UNK: variants seen among roughly 807,000 people sequenced by gnomAD.
The protein encoded by UNK is unk zinc finger.
A neutral mutation model predicts 97.6 loss-of-function variants in UNK; 32 were observed. That is an observed-to-expected ratio of 0.33 (90% CI 0.25 to 0.44). The LOEUF (loss-of-function observed/expected upper bound fraction) is 0.44, where lower values mean the gene tolerates loss of function less well. Ranked by LOEUF, UNK falls within the 20% of genes least tolerant of loss-of-function variation. The pLI, the probability that UNK is intolerant of heterozygous loss-of-function variation, is 1.00. For synonymous variants in UNK, 441 were observed against 461.2 expected (o/e 0.96, Z 0.56); for missense variants, 771 against 1,098.4 (o/e 0.70, Z 4.21).
chr17:75,789,056 T>C (rs1357837837), intron 1 of UNK, among the ~76,000 whole-genome samples: 1 of 152,240 alleles, frequency 6.6e-6, no homozygotes, highest in African/African-American at 2.4e-5. Context: ...GAGCCCTCCT[T>C]TTCCTAAACC....
intron 6 of UNK, 129 bp from the exon 7 acceptor site, chr17:75,815,040 A>G (rs2062004735): frequency 1.4e-6 from 1 of 712,702 alleles, no homozygotes; most frequent in Non-Finnish European, 2.4e-6. Context: ...GACATAGTGG[A>G]GGGGAGGGGA....
rs762888859 is a variant in UNK at position 75,819,745 on chromosome 17, C to T, written c.1608C>T (p.Phe536=). 72 of 1,613,884 alleles carry T rather than the reference C, an allele frequency of 4.5e-5. No individual in the cohort carries two copies. The Middle Eastern group carries it at 9.9e-4, about 22-fold the overall frequency. The change falls in exon 12 of 16, where the codon TTC becomes TTT. Residue 536 remains phenylalanine, a synonymous_variant. Coordinates refer to ENST00000589666, the MANE Select transcript of UNK (RefSeq NM_001080419.3). This position sits in a 1 kb window ranked among gnomAD's most constrained non-coding sequence, Gnocchi z 5.4. ...GCGTGGCCGCCCTGGAGAAGACTTT[C>T]GATAACAGCACAGTGCCCCACCCAG... ...EFGVAALEKT[F]DNSTVPHPGS... is the part of the protein sequence containing the mutation.
At chr17:75,813,267 T>A in intron 5 of UNK, 54 bp downstream of exon 5, 1 of 1,530,814 alleles carries the variant, frequency 6.5e-7, no homozygotes, top group Non-Finnish European at 8.8e-7. Context: ...AGGGAAGGGG[T>A]CAGGCAGAGG....
intron 1 of UNK, chr17:75,792,057 C>T: frequency 3.0e-6 from 3 of 985,440 alleles, no homozygotes; most frequent in Non-Finnish European, 3.6e-6. Context: ...AAGCCATGAG[C>T]ACGCTTAGGT....
chr17:75,799,976 CAAAAA>C (rs778412852), intron 1 of UNK, among the ~76,000 whole-genome samples: 1 of 152,136 alleles, frequency 6.6e-6, no homozygotes, highest in Non-Finnish European at 1.5e-5. Flanking sequence ...AAAAAAAAGA[CAAAAA>C]AACCCAAGTG....
intron 1 of UNK, among the ~76,000 whole-genome samples, chr17:75,806,596 A>G (rs568996633): frequency 4.0e-4 from 61 of 151,850 alleles, no homozygotes; most frequent in Non-Finnish European, 7.8e-4. Context: ...ACATGGTGAA[A>G]CCCTGTCTTT....
chr17:75,816,978 C>T lies in UNK; in HGVS notation c.1104+66C>T. On this transcript the variant is annotated intron_variant, in intron 8 of 15. Coordinates refer to ENST00000589666, the MANE Select transcript of UNK (RefSeq NM_001080419.3). This position sits in a 1 kb window ranked among gnomAD's most constrained non-coding sequence, Gnocchi z 4.0. ...ACAGAGCCAATACTTGCCTCCTAGG[C>T]CCTTTCAGCCTGGGCTTGGGAGACC... 3.9e-6 allele frequency: 6 copies of T among 1,522,056 alleles called. No individual in the cohort carries two copies. Among genetic ancestry groups the T allele is most frequent in the Admixed American group, 4.0e-5 (2 of 50,228 alleles). The allele number at this position is 1,522,056 out of a possible 1,614,324, so 94.3% of individuals were successfully genotyped here.
intron 1 of UNK, among the ~76,000 whole-genome samples, chr17:75,787,837 A>C (rs936860859): frequency 6.6e-6 from 1 of 151,244 alleles, no homozygotes; most frequent in South Asian, 2.1e-4. Context: ...AAAAAAAAAA[A>C]AGAGAGACGT....
In UNK at chr17:75,809,754, C is replaced by T. The variant is rs1459077076; in HGVS notation, c.105-6C>T. On this transcript the variant is annotated splice_polypyrimidine_tract_variant and splice_region_variant and intron_variant, in intron 1 of 15. Transcript: ENST00000589666. ...CGGCCTGCCCCACGCGGGGCTCTCTCTGCAGGTACCTGAAAGAATTCCGCA... is the reference window on the plus strand; with the variant it reads ...CGGCCTGCCCCACGCGGGGCTCTCTTTGCAGGTACCTGAAAGAATTCCGCA... 1.2e-6 allele frequency: 2 copies of T among 1,600,340 alleles called. No individual in the cohort carries two copies. The highest frequency in any genetic ancestry group is 2.3e-5 in the East Asian group (1 of 43,934).
chr17:75,788,599 G>T (rs1001990433), intron 1 of UNK, among the ~76,000 whole-genome samples: 1 of 151,976 alleles, frequency 6.6e-6, no homozygotes, highest in Non-Finnish European at 1.5e-5. Flanking sequence ...TGATCTGCCC[G>T]CCTCGGCCTC....
Position 75,824,172 on chromosome 17 carries a change from C to T in UNK, c.2278-90C>T. ...AGCTCGGTACCTCAGTTTTCCCATCCCAAGGGGCTGCAGTGAGGATCAAGG... is the reference window on the plus strand; with the variant it reads ...AGCTCGGTACCTCAGTTTTCCCATCTCAAGGGGCTGCAGTGAGGATCAAGG... On this transcript the variant is annotated intron_variant, in intron 15 of 15. Transcript: ENST00000589666. The surrounding 1 kb of genome is among the most constrained non-coding windows in gnomAD (Gnocchi z 4.9). 2 of 1,407,284 alleles carry T rather than the reference C, an allele frequency of 1.4e-6. No individual in the cohort carries two copies. The highest frequency in any genetic ancestry group is 1.9e-6 in the Non-Finnish European group (2 of 1,070,190). 87.2% of individuals were successfully genotyped at this position (1,407,284 alleles called of 1,614,324 possible).
chr17:75,813,995 G>A, intron 6 of UNK, 117 bp downstream of exon 6: 2 of 890,602 alleles, frequency 2.2e-6, no homozygotes, highest in Non-Finnish European at 3.3e-6. Flanking sequence ...GGGACTTGTG[G>A]CCACCAGCTC....
In UNK at chr17:75,818,861, G is replaced by A; in HGVS notation, c.1546+45G>A. ...TTGAAAGCCCAGGACTGGGTCTGGG[G>A]TCAGAGACCCCCCAGTCTCTGAAGC... is the stretch of plus-strand genomic sequence containing the variant. On this transcript the variant is annotated intron_variant, in intron 11 of 15. Transcript: ENST00000589666. The surrounding 1 kb of genome is among the most constrained non-coding windows in gnomAD (Gnocchi z 5.1). The A allele has an allele frequency of 6.7e-7, 1 of 1,499,606 alleles. No homozygotes were observed. 92.9% of individuals were successfully genotyped at this position (1,499,606 alleles called of 1,614,324 possible). A position where few individuals can be genotyped will look rare whatever the true frequency, so the allele number is the denominator to read the frequency against.
Position 75,813,872 on chromosome 17 carries a change from C to A in UNK, c.870C>A (p.His290Gln). ...YCHTRTEQQF[H>Q]PEIYKSTKCN... Reference sequence around the variant, plus strand: ...ACACCCGCACCGAGCAGCAGTTCCACCCCGAGGTGGGCCCCACAGCAGGGT... The same window carrying A: ...ACACCCGCACCGAGCAGCAGTTCCAACCCGAGGTGGGCCCCACAGCAGGGT... The change falls in exon 6 of 16, where the codon CAC becomes CAA. Residue 290 changes from histidine to glutamine, a missense_variant. Physicochemically the swap from His to Gln is conservative, Grantham distance 24. This residue lies in a region of UNK where 246 missense variants were observed against 440.7 expected (regional missense o/e 0.56). Transcript: ENST00000589666. The A allele has an allele frequency of 6.3e-7, 1 of 1,580,902 alleles. No individual in the cohort carries two copies. Among genetic ancestry groups the A allele is most frequent in the Non-Finnish European group, 8.6e-7 (1 of 1,164,166 alleles).
rs1390114373 is a variant in UNK at position 75,817,398 on chromosome 17, C to T, written c.1177C>T (p.Pro393Ser). The change falls in exon 9 of 16, where the codon CCC becomes TCC. Residue 393 changes from proline (P) to serine (S), a missense_variant. Transcript: ENST00000589666. The surrounding 1 kb of genome is among the most constrained non-coding windows in gnomAD (Gnocchi z 5.8). ...CGSPPGSIRK[P>S]PNLEGIVFPG... ...CTCCCCACCGGGCTCCATCAGGAAG[C>T]CCCCAAACCTGGAGGGCATCGTCTT... The T allele has an allele frequency of 8.7e-6, 14 of 1,612,100 alleles. No homozygotes were observed. Among genetic ancestry groups the T allele is most frequent in the East Asian group, 2.2e-5 (1 of 44,844 alleles).
At chr17:75,815,455 T>C (rs1258953511) in intron 7 of UNK, among the ~76,000 whole-genome samples, 1 of 152,176 alleles carries the variant, frequency 6.6e-6, no homozygotes, top group Non-Finnish European at 1.5e-5. Flanking sequence ...GCTTCCAAAG[T>C]AGTGAGATAG....
chr17:75,812,318 C>A (rs373480560), intron 3 of UNK, 30 bp downstream of exon 3: 7 of 1,595,992 alleles, frequency 4.4e-6, no homozygotes, highest in East Asian at 4.5e-5. Flanking sequence ...GGGCTGATGG[C>A]AGTAGGCTGG....
Position 75,818,304 on chromosome 17 carries a change from A to G in UNK, c.1371+136A>G. Reference sequence around the variant, plus strand: ...GGACTAAAGTGGGGTCCCAGCCACAAATCCAGAGAGGGTAGGGGGTCAGGC... The same window carrying G: ...GGACTAAAGTGGGGTCCCAGCCACAGATCCAGAGAGGGTAGGGGGTCAGGC... On this transcript the variant is annotated intron_variant, in intron 10 of 15. Coordinates refer to ENST00000589666, the MANE Select transcript of UNK (RefSeq NM_001080419.3). This position sits in a 1 kb window ranked among gnomAD's most constrained non-coding sequence, Gnocchi z 5.1. The G allele has an allele frequency of 1.0e-6, 1 of 1,000,448 alleles. No homozygotes were observed. The highest frequency in any genetic ancestry group is 1.5e-5 in the South Asian group (1 of 66,350). 62.0% of individuals were successfully genotyped at this position (1,000,448 alleles called of 1,614,324 possible). A position where few individuals can be genotyped will look rare whatever the true frequency, so the allele number is the denominator to read the frequency against.
chr17:75,793,737 T>A lies in UNK; in HGVS notation c.104+8753T>A, dbSNP rs1273829828. On this transcript the variant is annotated intron_variant, in intron 1 of 15. Transcript: ENST00000589666. Reference sequence around the variant, plus strand: ...TTTCCTGTTAGCATTTGAAACACCATATAGCCACCATAAGTCCTGACAAAA... The same window carrying A: ...TTTCCTGTTAGCATTTGAAACACCAAATAGCCACCATAAGTCCTGACAAAA... The A allele has an allele frequency of 4.1e-6, 4 of 985,436 alleles. No individual in the cohort carries two copies. The East Asian group carries it at 3.4e-4, about 84-fold the overall frequency. 61.0% of individuals were successfully genotyped at this position (985,436 alleles called of 1,614,324 possible).
Sources: gnomAD v4.1 joint callset for allele counts (sites outside exome capture counted in the v4.1 genomes callset) on GRCh38, gnomAD v4.1.1 for gene constraint, gnomAD v4.1.1 regional missense constraint, Gnocchi (gnomAD v3.1) non-coding constraint, MANE v1.5 for transcripts, NCBI Gene and HGNC (gene_info 2026-07-23, HGNC 2026-07-21) for gene names.